EPS8: variants seen among roughly 807,000 people sequenced by gnomAD.
EPS8 encodes the protein epidermal growth factor receptor kinase substrate 8.
A neutral mutation model predicts 103.8 loss-of-function variants in EPS8; 42 were observed. The ratio of observed to expected loss-of-function variants is 0.40; its 90% CI spans 0.32 to 0.52. The LOEUF is 0.52. Ranked by LOEUF, EPS8 falls within the 20% of genes least tolerant of loss-of-function variation. The probability of loss-of-function intolerance (pLI) is 0.40; values close to 1 mark genes in which losing one functional copy is unlikely to be tolerated. For synonymous variants in EPS8, 344 were observed against 344.6 expected, an observed-to-expected ratio of 1.00 and a Z score of 0.02; for missense variants, 969 against 1,005.1, an observed-to-expected ratio of 0.96 and a Z score of 0.49.
intron 1 of EPS8, among the ~76,000 whole-genome samples, chr12:15,715,541 C>T (rs2417476): frequency 0.91 from 138,861 of 151,900 alleles, 64,707 homozygotes; most frequent in Non-Finnish European, 1. Flanking sequence ...TGCGCCACTA[C>T]GCCTGGCTAA....
chr12:15,673,290 A>G (rs1430855046), intron 3 of EPS8, among the ~76,000 whole-genome samples: 1 of 152,080 alleles, frequency 6.6e-6, no homozygotes, highest in African/African-American at 2.4e-5. Flanking sequence ...AAGATCCTAA[A>G]AATGTATAAA....
Position 15,695,672 on chromosome 12 carries a change from G to A in EPS8, c.-21-12700C>T, listed in dbSNP as rs1946233348. The stretch of plus-strand genomic sequence containing the variant: ...TGGAGCTTACAATCTAGAGGGAGGA[G>A]AGCATGAAATAAGAAAATGAGGCAG... On this transcript the variant is annotated intron_variant, in intron 1 of 20. Coordinates refer to ENST00000281172, the MANE Select transcript of EPS8 (RefSeq NM_004447.6). The surrounding 1 kb of genome is among the most constrained non-coding windows in gnomAD (Gnocchi z 5.0). 6.6e-6 allele frequency among the ~76,000 whole-genome samples: 1 copy of A among 152,168 alleles called. No individual in the cohort carries two copies. Among genetic ancestry groups the A allele is most frequent in the Admixed American group, 6.6e-5 (1 of 15,264 alleles).
In EPS8 at chr12:15,628,423, C is replaced by T. The variant is rs569297761; in HGVS notation, c.2044+3019G>A. ...CCATTTCCAATGTTCTAACACACAA[C>T]AGCAAACCAGAATAACTTTACACCT... On this transcript the variant is annotated intron_variant, in intron 18 of 20. Coordinates refer to ENST00000281172, the MANE Select transcript of EPS8 (RefSeq NM_004447.6). Among the ~76,000 whole-genome samples, 41 of 152,268 alleles carry T rather than the reference C, an allele frequency of 2.7e-4. No individual in the cohort carries two copies. The South Asian group carries it at 3.7e-3, about 14-fold the overall frequency.
intron 18 of EPS8, among the ~76,000 whole-genome samples, chr12:15,624,861 C>T (rs554375754): frequency 9.2e-5 from 14 of 152,170 alleles, no homozygotes; most frequent in African/African-American, 3.1e-4. Context: ...CACTTTTGGT[C>T]GTCACAATTG....
In EPS8 at chr12:15,702,471, G is replaced by A. The variant is rs1028607236; in HGVS notation, c.-21-19499C>T. 6.6e-6 allele frequency among the ~76,000 whole-genome samples: 1 copy of A among 152,058 alleles called. No individual in the cohort carries two copies. Among genetic ancestry groups the A allele is most frequent in the Non-Finnish European group, 1.5e-5 (1 of 68,022 alleles). On this transcript the variant is annotated intron_variant, in intron 1 of 20. Transcript: ENST00000281172. The surrounding 1 kb of genome is among the most constrained non-coding windows in gnomAD (Gnocchi z 5.1). ...ATTAACATTTAAGTGTGGATTATGA[G>A]ATACTTTCTCCTAGGATAAGAGGAC...
At chr12:15,788,516 T>C (rs1423176690) in intron 1 of EPS8, among the ~76,000 whole-genome samples, 1 of 151,686 alleles carries the variant, frequency 6.6e-6, no homozygotes, top group Non-Finnish European at 1.5e-5. Context: ...GGGCAGGGAG[T>C]ACATGGGTGG....
rs1430350358 is a variant in EPS8, at chr12:15,698,484, T to G, written c.-21-15512A>C. Among the ~76,000 whole-genome samples, 1 of 152,028 alleles carries G rather than the reference T, an allele frequency of 6.6e-6. No individual in the cohort carries two copies. Among genetic ancestry groups the G allele is most frequent in the Non-Finnish European group, 1.5e-5 (1 of 68,012 alleles). On this transcript the variant is annotated intron_variant, in intron 1 of 20. Coordinates refer to ENST00000281172, the MANE Select transcript of EPS8 (RefSeq NM_004447.6). This position sits in a 1 kb window ranked among gnomAD's most constrained non-coding sequence, Gnocchi z 4.9. The stretch of plus-strand genomic sequence containing the variant: ...ATCTCTCTCCTCCAGCCTCTCCATC[T>G]TGACCTCTCTTATTGCCAGCCAACT...
intron 1 of EPS8, among the ~76,000 whole-genome samples, chr12:15,788,373 C>A (rs975965153): frequency 5.9e-5 from 9 of 152,136 alleles, no homozygotes; most frequent in African/African-American, 2.2e-4. Context: ...TCCTGCCCCC[C>A]GCGAGATTCC....
intron 1 of EPS8, among the ~76,000 whole-genome samples, chr12:15,694,089 G>A (rs1946210893): frequency 6.6e-6 from 1 of 152,116 alleles, no homozygotes; most frequent in African/African-American, 2.4e-5. Context: ...AAATGTATAT[G>A]CTTAGTCTGC....
At chr12:15,655,120 AT>A (rs1945484264) in intron 12 of EPS8, among the ~76,000 whole-genome samples, 2 of 152,110 alleles carry the variant, frequency 1.3e-5, no homozygotes, top group Admixed American at 1.3e-4. Flanking sequence ...TGTTCTCAGC[AT>A]GCTATACTGT....
chr12:15,743,318 G>A (rs547475971), intron 1 of EPS8, among the ~76,000 whole-genome samples: 3,102 of 152,204 alleles, frequency 0.02, 102 homozygotes, highest in African/African-American at 0.071. Context: ...AATCAATATC[G>A]TGAAAATGGC....
At position 15,772,549 on chromosome 12, in the gene EPS8, A is replaced by AAAAT. The variant is rs754521957; in HGVS notation, c.-22+16608_-22+16611dup. Among the ~76,000 whole-genome samples the AAAAT allele has an allele frequency of 1.6e-4, 24 of 152,230 alleles. No individual in the cohort carries two copies. In the South Asian group the frequency reaches 2.9e-3, roughly 18 times the overall value. On this transcript the variant is annotated intron_variant, in intron 1 of 20. Transcript: ENST00000281172. The surrounding 1 kb of genome is among the most constrained non-coding windows in gnomAD (Gnocchi z 5.0). ...TACACAAAACCATGAACTGAGGCAC[A>AAAAT]AAATAAATAAATAAATAAATAAAGC...
At chr12:15,642,425 T>C (rs900573615) in intron 15 of EPS8, among the ~76,000 whole-genome samples, 2 of 152,144 alleles carry the variant, frequency 1.3e-5, no homozygotes, top group African/African-American at 4.8e-5. Context: ...AATAATTTAA[T>C]TCACTATAAA....
intron 1 of EPS8, among the ~76,000 whole-genome samples, chr12:15,766,750 A>G (rs1315486036): frequency 2.6e-5 from 4 of 152,152 alleles, no homozygotes; most frequent in African/African-American, 9.7e-5. Flanking sequence ...TATCCGAGTT[A>G]AAGCTAAATG....
chr12:15,670,412 T>C (rs1945794913), intron 4 of EPS8, among the ~76,000 whole-genome samples: 1 of 152,144 alleles, frequency 6.6e-6, no homozygotes, highest in South Asian at 2.1e-4. Context: ...TTTTCTATTA[T>C]AAGCACAGGT....
chr12:15,669,885 G>A (rs1945785734), intron 4 of EPS8, 60 bp from the exon 5 acceptor site: 6 of 1,294,432 alleles, frequency 4.6e-6, no homozygotes, highest in Non-Finnish European at 5.2e-6. Context: ...CAACCTCTTA[G>A]TATACATTTT....
chr12:15,639,466 T>A (rs964887806), intron 17 of EPS8, among the ~76,000 whole-genome samples: 2 of 152,170 alleles, frequency 1.3e-5, no homozygotes, highest in African/African-American at 4.8e-5. Context: ...CAACAGCTAA[T>A]GACAAATGAT....
At chr12:15,660,194 C>T (rs1945579733) in intron 10 of EPS8, among the ~76,000 whole-genome samples, 1 of 152,002 alleles carries the variant, frequency 6.6e-6, no homozygotes, top group African/African-American at 2.4e-5. Flanking sequence ...TACCCCAAAA[C>T]TAGAAGAGGA....
chr12:15,753,724 C>T (rs146612482), intron 1 of EPS8, among the ~76,000 whole-genome samples: 23 of 152,288 alleles, frequency 1.5e-4, no homozygotes, highest in African/African-American at 5.3e-4. Flanking sequence ...TCATTCAAAT[C>T]TGCCCACTTC....
Sources: allele counts gnomAD v4.1 joint callset (sites outside exome capture counted in the v4.1 genomes callset), GRCh38; gene constraint gnomAD v4.1.1; non-coding constraint Gnocchi (gnomAD v3.1); transcripts MANE v1.5; gene names NCBI Gene and HGNC (gene_info 2026-07-23, HGNC 2026-07-21).